Variants in UPF2 observed in about 807,000 individuals in gnomAD.
The protein encoded by UPF2 is regulator of nonsense transcripts 2.
Under a neutral mutation model 141.4 loss-of-function variants are expected in UPF2, and 17 were observed. The ratio of observed to expected loss-of-function variants is 0.12; its 90% CI spans 0.08 to 0.18. The LOEUF is 0.18. Ranked by LOEUF, UPF2 falls within the 10% of genes least tolerant of loss-of-function variation. UPF2 has a pLI of 1.00. For synonymous variants in UPF2, 540 were observed against 498.0 expected (o/e 1.08, Z -1.12); for missense variants, 1,152 against 1,515.9 (o/e 0.76, Z 3.99).
At chr10:12,007,863 A>G (rs1235923489) in intron 4 of UPF2, among the ~76,000 whole-genome samples, 2 of 146,508 alleles carry the variant, frequency 1.4e-5, no homozygotes, top group Non-Finnish European at 1.5e-5. Flanking sequence ...TAATAATAAT[A>G]ATAATAATTT....
At position 11,940,205 on chromosome 10, in the gene UPF2, C is replaced by T. The variant is rs138744615; in HGVS notation, c.3378+2460G>A. ...AAATGTGAATTCGAACTTCCCTCCT[C>T]GATTACATCTTCCCATCCTTCCAGC... On this transcript the variant is annotated intron_variant, in intron 18 of 21. Transcript: ENST00000357604. The surrounding 1 kb of genome is among the most constrained non-coding windows in gnomAD (Gnocchi z 4.2). Among the ~76,000 whole-genome samples, 27 of 152,308 alleles carry T rather than the reference C, an allele frequency of 1.8e-4. 1 individual carries two copies. In the East Asian group the frequency reaches 5.2e-3, roughly 29 times the overall value.
chr10:11,920,946 C>G lies in UPF2; in HGVS notation c.*352G>C, dbSNP rs891905106. 3 of 533,622 alleles carry G rather than the reference C, an allele frequency of 5.6e-6. No individual in the cohort carries two copies. Among genetic ancestry groups the G allele is most frequent in the Non-Finnish European group, 1.1e-5 (3 of 263,458 alleles). The allele number at this position is 533,622 out of a possible 1,614,324, so 33.1% of individuals were successfully genotyped here. On this transcript the variant is annotated 3_prime_UTR_variant, in exon 22 of 22. Transcript: ENST00000357604. ...CATTTCCCCCACACCATTACCATCACAACCCGTTTCTTCTCTGGCTCAATC... is the reference window on the plus strand; with the variant it reads ...CATTTCCCCCACACCATTACCATCAGAACCCGTTTCTTCTCTGGCTCAATC...
chr10:11,975,233 C>T, intron 9 of UPF2, among the ~76,000 whole-genome samples: 1 of 152,126 alleles, frequency 6.6e-6, no homozygotes, highest in Middle Eastern at 3.2e-3. Context: ...TGCACTCCAC[C>T]TTGGGTGACA....
chr10:11,988,736 A>G (rs1799655677), intron 8 of UPF2, among the ~76,000 whole-genome samples: 1 of 152,134 alleles, frequency 6.6e-6, no homozygotes, highest in African/African-American at 2.4e-5. Flanking sequence ...GCCTGCCCCA[A>G]GTGTTCCAAA....
Position 11,966,906 on chromosome 10 carries a change from C to T in UPF2, c.2067+435G>A, listed in dbSNP as rs190565365. Among the ~76,000 whole-genome samples, 23 of 152,304 alleles carry T rather than the reference C, an allele frequency of 1.5e-4. No homozygotes were observed. The East Asian group carries it at 2.9e-3, about 19-fold the overall frequency. On this transcript the variant is annotated intron_variant, in intron 10 of 21. Transcript: ENST00000357604. The stretch of plus-strand genomic sequence containing the variant: ...GGTAGAAATGTTTGTATTCACATGA[C>T]AGAGTAAGATAACTACCACCAGTCA...
chr10:12,041,558 C>T (rs1476980692), intron 1 of UPF2, among the ~76,000 whole-genome samples: 5 of 152,234 alleles, frequency 3.3e-5, no homozygotes, highest in Admixed American at 6.5e-5. Flanking sequence ...AAGACATTCC[C>T]TTGCAAAGTA....
At chr10:12,000,055 A>G in intron 6 of UPF2, 46 bp from the exon 7 acceptor site, 1 of 1,469,062 alleles carries the variant, frequency 6.8e-7, no homozygotes, top group East Asian at 2.3e-5. Context: ...AAAAGAGAAC[A>G]CAGAATAAAA....
intron 8 of UPF2, among the ~76,000 whole-genome samples, chr10:11,988,225 T>C (rs1833725984): frequency 6.6e-6 from 1 of 152,212 alleles, no homozygotes; most frequent in African/African-American, 2.4e-5. Context: ...CAGGAACTAC[T>C]ACCCCCACCC....
rs1183226360 is a variant in UPF2, at chr10:12,042,312, C to T, written c.-19+443G>A. On this transcript the variant is annotated intron_variant, in intron 1 of 21. Coordinates refer to ENST00000357604, the MANE Select transcript of UPF2 (RefSeq NM_015542.4). The surrounding 1 kb of genome is among the most constrained non-coding windows in gnomAD (Gnocchi z 5.5). Reference sequence around the variant, plus strand: ...CACTCCCTCGCCACAGAAGCCTTCCCGGCCGGTCTCCCCACTCCGCAGCCT... The same window carrying T: ...CACTCCCTCGCCACAGAAGCCTTCCTGGCCGGTCTCCCCACTCCGCAGCCT... Among the ~76,000 whole-genome samples the T allele has an allele frequency of 6.6e-6, 1 of 152,142 alleles. No homozygotes were observed. Among genetic ancestry groups the T allele is most frequent in the Non-Finnish European group, 1.5e-5 (1 of 68,018 alleles).
intron 7 of UPF2, among the ~76,000 whole-genome samples, chr10:11,999,406 G>A (rs1794165451): frequency 1.3e-5 from 2 of 150,066 alleles, no homozygotes; most frequent in Admixed American, 6.6e-5. Context: ...CCAGCTACTC[G>A]AGAGGCTGAG....
chr10:12,014,205 CT>C lies in UPF2; in HGVS notation c.1146-22del. 7.3e-7 allele frequency: 1 copy of C among 1,375,050 alleles called. No individual in the cohort carries two copies. Among genetic ancestry groups the C allele is most frequent in the African/African-American group, 1.5e-5 (1 of 67,706 alleles). The allele number at this position is 1,375,050 out of a possible 1,614,324, so 85.2% of individuals were successfully genotyped here. ...TGCGCCTATAAACAAATGAAATCATCTGACAGTCTTATCAAAATAGATGTGA... is the reference window on the plus strand; with the variant it reads ...TGCGCCTATAAACAAATGAAATCATCGACAGTCTTATCAAAATAGATGTGA... On this transcript the variant is annotated intron_variant, in intron 3 of 21. Transcript: ENST00000357604. This position sits in a 1 kb window ranked among gnomAD's most constrained non-coding sequence, Gnocchi z 5.0.
chr10:11,950,178 C>T (rs998345604), intron 15 of UPF2, among the ~76,000 whole-genome samples: 1 of 152,058 alleles, frequency 6.6e-6, no homozygotes, highest in Non-Finnish European at 1.5e-5. Context: ...GAACACATTA[C>T]TTTTAATACT....
At chr10:12,000,046 A>G in intron 6 of UPF2, 37 bp from the exon 7 acceptor site, 1 of 1,500,192 alleles carries the variant, frequency 6.7e-7, no homozygotes, top group Non-Finnish European at 9.1e-7. Context: ...GTTAAAAAAA[A>G]AAGAGAACAC....
Position 11,931,969 on chromosome 10 carries a change from T to G in UPF2, c.3547-187A>C, listed in dbSNP as rs1418780097. ...ATCAAGACCATCCAGGCCAACATGA[T>G]GAAACCCCGTCTTTACTAAAAACAC... is the stretch of plus-strand genomic sequence containing the variant. On this transcript the variant is annotated intron_variant, in intron 19 of 21. Coordinates refer to ENST00000357604, the MANE Select transcript of UPF2 (RefSeq NM_015542.4). This position sits in a 1 kb window ranked among gnomAD's most constrained non-coding sequence, Gnocchi z 5.9. Among the ~76,000 whole-genome samples, 2 of 152,072 alleles carry G rather than the reference T, an allele frequency of 1.3e-5. No individual in the cohort carries two copies. Among genetic ancestry groups the G allele is most frequent in the Non-Finnish European group, 2.9e-5 (2 of 68,020 alleles).
At chr10:11,938,739 T>G (rs1054726666) in intron 18 of UPF2, among the ~76,000 whole-genome samples, 7 of 151,764 alleles carry the variant, frequency 4.6e-5, no homozygotes, top group Non-Finnish European at 7.4e-5. Context: ...CTTCCTGGCC[T>G]GTCATTTCTT....
At chr10:11,933,112 CA>C (rs1287968299) in intron 19 of UPF2, among the ~76,000 whole-genome samples, 1 of 152,064 alleles carries the variant, frequency 6.6e-6, no homozygotes, top group Non-Finnish European at 1.5e-5. Flanking sequence ...TTCATTGGTG[CA>C]ATGTTTTTTC....
chr10:12,012,642 A>G (rs1834149391), intron 4 of UPF2, among the ~76,000 whole-genome samples: 1 of 152,008 alleles, frequency 6.6e-6, no homozygotes, highest in East Asian at 2.0e-4. Context: ...TACTAAAAAC[A>G]CAAAAACTTA....
intron 4 of UPF2, among the ~76,000 whole-genome samples, chr10:12,010,454 C>A (rs1211160615): frequency 6.6e-6 from 1 of 152,072 alleles, no homozygotes; most frequent in Non-Finnish European, 1.5e-5. Flanking sequence ...AAAATGACTT[C>A]TCTAAATGGA....
intron 1 of UPF2, among the ~76,000 whole-genome samples, chr10:12,037,474 C>T (rs529841816): frequency 6.7e-6 from 1 of 149,414 alleles, no homozygotes; most frequent in South Asian, 2.1e-4. Flanking sequence ...CGGCTCACTG[C>T]AACCTCCACC....
Sources: gnomAD v4.1 joint callset for allele counts (sites outside exome capture counted in the v4.1 genomes callset) on GRCh38, gnomAD v4.1.1 for gene constraint, Gnocchi (gnomAD v3.1) non-coding constraint, MANE v1.5 for transcripts, NCBI Gene and HGNC (gene_info 2026-07-23, HGNC 2026-07-21) for gene names.